The following MAPK8 variants were observed in gnomAD, a reference collection of about 807,000 sequenced individuals.
MAPK8 encodes the protein JUN N-terminal kinase.
MAPK8 carries 13 observed loss-of-function variants against 52.9 expected under a neutral mutation model. The ratio of observed to expected loss-of-function variants is 0.25; its 90% CI spans 0.16 to 0.39. The LOEUF (loss-of-function observed/expected upper bound fraction) is 0.39, where lower values mean the gene tolerates loss of function less well. MAPK8 is among the 10% of genes least tolerant of loss of function. The pLI is 1.00. For missense variants in MAPK8, 300 were observed against 519.2 expected, an observed-to-expected ratio of 0.58 and a Z score of 4.10; for synonymous variants, 191 against 169.8, an observed-to-expected ratio of 1.12 and a Z score of -0.97.
At chr10:48,408,404 G>A (rs989903918) in intron 3 of MAPK8, among the ~76,000 whole-genome samples, 2 of 152,124 alleles carry the variant, frequency 1.3e-5, no homozygotes, top group African/African-American at 4.8e-5. Flanking sequence ...AGGTTCACCT[G>A]GAAGATAATT....
intron 1 of MAPK8, among the ~76,000 whole-genome samples, chr10:48,395,011 T>C (rs1204286818): frequency 1.3e-5 from 2 of 151,938 alleles, no homozygotes; most frequent in Non-Finnish European, 2.9e-5. Context: ...TTAGAAATTA[T>C]TATACAGGCC....
At chr10:48,387,207 G>A (rs924762331) in intron 1 of MAPK8, among the ~76,000 whole-genome samples, 1 of 152,198 alleles carries the variant, frequency 6.6e-6, no homozygotes, top group Non-Finnish European at 1.5e-5. Context: ...AACTAGGTAT[G>A]ATTAGTATAC....
At chr10:48,370,118 G>T (rs1293581030) in intron 1 of MAPK8, among the ~76,000 whole-genome samples, 1 of 152,080 alleles carries the variant, frequency 6.6e-6, no homozygotes, top group Non-Finnish European at 1.5e-5. Flanking sequence ...GATTCTTCAG[G>T]GCACTATTAC....
chr10:48,379,748 A>G (rs1408514600), intron 1 of MAPK8, among the ~76,000 whole-genome samples: 1 of 152,100 alleles, frequency 6.6e-6, no homozygotes, highest in Non-Finnish European at 1.5e-5. Context: ...TGGCTTAGCA[A>G]TCTTCATTAA....
chr10:48,311,289 A>G (rs954490104), intron 1 of MAPK8, among the ~76,000 whole-genome samples: 2 of 152,212 alleles, frequency 1.3e-5, no homozygotes, highest in African/African-American at 4.8e-5. Context: ...CTAATTCTCC[A>G]GAATATGCCA....
intron 1 of MAPK8, among the ~76,000 whole-genome samples, chr10:48,333,424 C>G (rs1266739145): frequency 6.6e-6 from 1 of 152,178 alleles, no homozygotes; most frequent in African/African-American, 2.4e-5. Context: ...CCTTGAGAGA[C>G]AGGATTGAGA....
intron 1 of MAPK8, among the ~76,000 whole-genome samples, chr10:48,356,841 C>CAAAAAAAAAAAA (rs869186711): frequency 1.3e-4 from 4 of 30,278 alleles, no homozygotes; most frequent in African/African-American, 2.0e-4. Context: ...GACTCCGTCT[C>CAAAAAAAAAAAA]AAAAAAAAAA....
chr10:48,397,890 C>T (rs917813908), intron 1 of MAPK8, among the ~76,000 whole-genome samples: 5 of 152,110 alleles, frequency 3.3e-5, no homozygotes, highest in Middle Eastern at 3.4e-3. Flanking sequence ...TGTACCAGGC[C>T]GGAATAGTTC....
chr10:48,431,303 A>G, intron 11 of MAPK8, 33 bp downstream of exon 11: 1 of 1,443,080 alleles, frequency 6.9e-7, no homozygotes, highest in Non-Finnish European at 9.7e-7. Context: ...TTAAGATTAC[A>G]GTTTACTTCT....
chr10:48,411,482 A>T (rs951322784), intron 5 of MAPK8, among the ~76,000 whole-genome samples: 2 of 152,168 alleles, frequency 1.3e-5, no homozygotes, highest in Admixed American at 6.5e-5. Flanking sequence ...TATGTGCCTG[A>T]CCATGTATTA....
intron 1 of MAPK8, among the ~76,000 whole-genome samples, chr10:48,373,250 A>T (rs905732669): frequency 1.3e-5 from 2 of 152,146 alleles, no homozygotes; most frequent in Non-Finnish European, 1.5e-5. Flanking sequence ...TAAACATGGA[A>T]AGGAACAACT....
At position 48,379,887 on chromosome 10, in the gene MAPK8, C is replaced by T. The variant is rs1484900007; in HGVS notation, c.-49-21725C>T. 3.4e-5 allele frequency among the ~76,000 whole-genome samples: 5 copies of T among 145,764 alleles called. No homozygotes were observed. The East Asian group carries it at 8.0e-4, about 23-fold the overall frequency. On this transcript the variant is annotated intron_variant, in intron 1 of 11. Transcript: ENST00000374189. ...AAACTCGTATTCAAAGTCCTTTCCACGAATTTCTTTGAAGACACACATTTT... is the reference window on the plus strand; with the variant it reads ...AAACTCGTATTCAAAGTCCTTTCCATGAATTTCTTTGAAGACACACATTTT...
intron 1 of MAPK8, among the ~76,000 whole-genome samples, chr10:48,369,585 A>C (rs1317695566): frequency 6.6e-6 from 1 of 152,158 alleles, no homozygotes; most frequent in Non-Finnish European, 1.5e-5. Context: ...TTTAGTGTTA[A>C]GTGATAACTA....
In MAPK8 at chr10:48,410,179, G is replaced by A. The variant is rs772111099; in HGVS notation, c.450+11G>A. 10 of 1,499,270 alleles carry A rather than the reference G, an allele frequency of 6.7e-6. No homozygotes were observed. The East Asian group carries it at 2.1e-4, about 31-fold the overall frequency. The allele number at this position is 1,499,270 out of a possible 1,614,324, so 92.9% of individuals were successfully genotyped here. On this transcript the variant is annotated intron_variant, in intron 5 of 11. Transcript: ENST00000374189. ...GGAATTATTCATCGGGTTAGTAGAA[G>A]AAACTATCGTCATACTCTTTGTTTT... is the stretch of plus-strand genomic sequence containing the variant.
intron 1 of MAPK8, among the ~76,000 whole-genome samples, chr10:48,310,915 T>A (rs1403940930): frequency 6.6e-6 from 1 of 152,190 alleles, no homozygotes; most frequent in Admixed American, 6.5e-5. Context: ...TTAGTTAAAA[T>A]CTGCCATTCT....
chr10:48,347,036 C>T (rs536734383), intron 1 of MAPK8, among the ~76,000 whole-genome samples: 9 of 151,960 alleles, frequency 5.9e-5, no homozygotes, highest in African/African-American at 2.2e-4. Context: ...TGGTAGTGGT[C>T]CCCCGGGCCC....
At chr10:48,355,423 G>A (rs550259719) in intron 1 of MAPK8, among the ~76,000 whole-genome samples, 3 of 150,784 alleles carry the variant, frequency 2.0e-5, no homozygotes, top group Admixed American at 6.6e-5. Context: ...GCAGGAGAAT[G>A]GCGTGAACCC....
intron 10 of MAPK8, among the ~76,000 whole-genome samples, chr10:48,429,372 G>T (rs1720195952): frequency 6.6e-6 from 1 of 152,188 alleles, no homozygotes; most frequent in Non-Finnish European, 1.5e-5. Flanking sequence ...GGTTTTGATT[G>T]CTTTAAAAAC....
At chr10:48,379,190 T>C (rs1230337964) in intron 1 of MAPK8, among the ~76,000 whole-genome samples, 3 of 152,194 alleles carry the variant, frequency 2.0e-5, no homozygotes, top group Non-Finnish European at 4.4e-5. Flanking sequence ...ATTCTTCTCT[T>C]CTTGAAGTCC....
Sources: allele counts gnomAD v4.1 joint callset (sites outside exome capture counted in the v4.1 genomes callset), GRCh38; gene constraint gnomAD v4.1.1; transcripts MANE v1.5; gene names NCBI Gene and HGNC (gene_info 2026-07-23, HGNC 2026-07-21).